NRXN3: variants seen among roughly 807,000 people sequenced by gnomAD.
NRXN3 encodes the protein neurexin 3.
A neutral mutation model predicts 137.6 loss-of-function variants in NRXN3; 32 were observed. The observed-to-expected ratio is 0.23, with a 90% CI of 0.18 to 0.31. The LOEUF is 0.31. Among genes scored for constraint, NRXN3 ranks in the 10% least tolerant of loss-of-function variants. The probability of loss-of-function intolerance (pLI) is 1.00; values close to 1 mark genes in which losing one functional copy is unlikely to be tolerated. For missense variants in NRXN3, 1,574 were observed against 2,062.5 expected, an observed-to-expected ratio of 0.76 and a Z score of 4.59; for synonymous variants, 798 against 784.5, an observed-to-expected ratio of 1.02 and a Z score of -0.29.
chr14:78,855,695 G>A (rs888250514), intron 10 of NRXN3, among the ~76,000 whole-genome samples: 1 of 152,172 alleles, frequency 6.6e-6, no homozygotes, highest in Non-Finnish European at 1.5e-5. Flanking sequence ...GTATCTGACA[G>A]TATTTTTCAA....
intron 15 of NRXN3, among the ~76,000 whole-genome samples, chr14:79,169,088 G>C (rs2061542929): frequency 6.6e-6 from 1 of 152,074 alleles, no homozygotes; most frequent in Admixed American, 6.6e-5. Flanking sequence ...GTGGGTTACA[G>C]ATGCTCCCTT....
chr14:78,359,401 G>A (rs2084790830), intron 4 of NRXN3, among the ~76,000 whole-genome samples: 1 of 152,162 alleles, frequency 6.6e-6, no homozygotes, highest in South Asian at 2.1e-4. Flanking sequence ...GTCACAGAGG[G>A]CCCCGTGCTC....
chr14:79,428,866 G>A (rs887581440), intron 15 of NRXN3, among the ~76,000 whole-genome samples: 1 of 152,154 alleles, frequency 6.6e-6, no homozygotes, highest in Non-Finnish European at 1.5e-5. Context: ...TAGCAAGGAT[G>A]GGGGAATAGG....
At chr14:78,853,115 C>T (rs371945400) in intron 10 of NRXN3, among the ~76,000 whole-genome samples, 4 of 152,046 alleles carry the variant, frequency 2.6e-5, no homozygotes, top group African/African-American at 4.8e-5. Flanking sequence ...ACATGCACAA[C>T]GTGCAGGTTT....
At chr14:79,494,853 C>G (rs1042723516) in intron 16 of NRXN3, among the ~76,000 whole-genome samples, 1 of 152,130 alleles carries the variant, frequency 6.6e-6, no homozygotes, top group Non-Finnish European at 1.5e-5. Flanking sequence ...CCACTACTGT[C>G]CTTTGTATGT....
At chr14:78,993,723 C>G (rs1440508748) in intron 15 of NRXN3, among the ~76,000 whole-genome samples, 7 of 151,084 alleles carry the variant, frequency 4.6e-5, no homozygotes. Context: ...GAAACATGAA[C>G]AGTGTATAGC....
intron 8 of NRXN3, among the ~76,000 whole-genome samples, chr14:78,719,326 C>G (rs1430481996): frequency 2.6e-5 from 4 of 152,202 alleles, no homozygotes; most frequent in Non-Finnish European, 2.9e-5. Flanking sequence ...TCCAGTGACT[C>G]TTGTTCCAGT....
rs2099413687 is a variant in NRXN3 at position 79,861,429 on chromosome 14, T to C, written c.4181T>C (p.Val1394Ala). 2 of 1,536,278 alleles carry C rather than the reference T, an allele frequency of 1.3e-6. No homozygotes were observed. The highest frequency in any genetic ancestry group is 1.7e-6 in the Non-Finnish European group (2 of 1,146,956). ...TCCAAGGACTTTAGACCTAACAAAGTCTCCGAAACTAGTAGGACTACTACC... is the reference window on the plus strand; with the variant it reads ...TCCAAGGACTTTAGACCTAACAAAGCCTCCGAAACTAGTAGGACTACTACC... ...WESKDFRPNK[V>A]SETSRTTTTS... The change falls in exon 21 of 21, where the codon GTC becomes GCC. Residue 1394 changes from valine (V) to alanine (A), a missense_variant. Val to Ala is a moderately conservative substitution (Grantham distance 64, BLOSUM62 0). Around this residue, in one of 5 missense-constraint regions of NRXN3, gnomAD observed 320 missense variants for 387.1 expected, o/e 0.83. Transcript: ENST00000335750. This position sits in a 1 kb window ranked among gnomAD's most constrained non-coding sequence, Gnocchi z 5.4.
chr14:78,356,491 C>A (rs1422578535), intron 4 of NRXN3, among the ~76,000 whole-genome samples: 1 of 152,246 alleles, frequency 6.6e-6, no homozygotes, highest in Non-Finnish European at 1.5e-5. Context: ...TTAGTCCTTG[C>A]TTCCACCTTT....
At chr14:78,665,133 G>T (rs1218642769) in intron 6 of NRXN3, among the ~76,000 whole-genome samples, 1 of 152,124 alleles carries the variant, frequency 6.6e-6, no homozygotes, top group African/African-American at 2.4e-5. Context: ...ATGCAAAACA[G>T]ATAATTCAGA....
chr14:79,832,254 C>G (rs955724416), intron 20 of NRXN3, among the ~76,000 whole-genome samples: 1 of 152,036 alleles, frequency 6.6e-6, no homozygotes, highest in African/African-American at 2.4e-5. Flanking sequence ...GTTACTACTT[C>G]CCTTTTACTT....
At chr14:79,363,092 C>G (rs1444604538) in intron 15 of NRXN3, among the ~76,000 whole-genome samples, 1 of 151,604 alleles carries the variant, frequency 6.6e-6, no homozygotes, top group African/African-American at 2.4e-5. Flanking sequence ...CCTCCACCTC[C>G]TGGGTTCAAG....
chr14:79,446,235 G>A (rs1344677901), intron 15 of NRXN3, among the ~76,000 whole-genome samples: 1 of 152,136 alleles, frequency 6.6e-6, no homozygotes, highest in Admixed American at 6.5e-5. Flanking sequence ...TTAGTTTTGA[G>A]GTCTCCTGTT....
chr14:78,837,936 G>C (rs1466381047), intron 10 of NRXN3, among the ~76,000 whole-genome samples: 1 of 152,054 alleles, frequency 6.6e-6, no homozygotes, highest in Non-Finnish European at 1.5e-5. Flanking sequence ...ATCTATATTA[G>C]AAGCCCAGAG....
intron 14 of NRXN3, among the ~76,000 whole-genome samples, chr14:78,985,123 G>A (rs2099499866): frequency 6.6e-6 from 1 of 152,098 alleles, no homozygotes; most frequent in Non-Finnish European, 1.5e-5. Flanking sequence ...TCTGACAAAT[G>A]GAAAAGATTG....
intron 16 of NRXN3, among the ~76,000 whole-genome samples, chr14:79,471,058 T>TG (rs1405669459): frequency 6.6e-6 from 1 of 150,702 alleles, no homozygotes; most frequent in Non-Finnish European, 1.5e-5. Context: ...AGAAGACAAT[T>TG]CCTAGAAATT....
chr14:79,305,605 G>A (rs2085912180), intron 15 of NRXN3, among the ~76,000 whole-genome samples: 2 of 152,006 alleles, frequency 1.3e-5, no homozygotes, highest in Admixed American at 6.6e-5. Context: ...ACAGAATGAG[G>A]GCTAGAACCC....
intron 4 of NRXN3, among the ~76,000 whole-genome samples, chr14:78,493,360 A>T (rs63597661): frequency 2.0e-5 from 1 of 49,920 alleles, no homozygotes; most frequent in Non-Finnish European, 5.2e-5. Flanking sequence ...TGTCTCTATT[A>T]AAAAAAAAAA....
chr14:79,189,719 G>T (rs1339129551), intron 15 of NRXN3, among the ~76,000 whole-genome samples: 1 of 152,034 alleles, frequency 6.6e-6, no homozygotes, highest in Non-Finnish European at 1.5e-5. Flanking sequence ...AACTTTCTGC[G>T]GTGACACAGA....
Sources: gnomAD v4.1 joint callset for allele counts (sites outside exome capture counted in the v4.1 genomes callset) on GRCh38, gnomAD v4.1.1 for gene constraint, gnomAD v4.1.1 regional missense constraint, Gnocchi (gnomAD v3.1) non-coding constraint, MANE v1.5 for transcripts, NCBI Gene and HGNC (gene_info 2026-07-23, HGNC 2026-07-21) for gene names.